The following TMX2 variants were observed in gnomAD, a reference collection of about 807,000 sequenced individuals.
The protein encoded by TMX2 is thioredoxin related transmembrane protein 2.
TMX2 carries 20 observed loss-of-function variants against 33.4 expected under a neutral mutation model. The observed-to-expected ratio is 0.60, with a 90% CI of 0.42 to 0.87. The LOEUF is 0.87. Ranked by LOEUF, TMX2 falls within the 40% of genes least tolerant of loss-of-function variation. TMX2 has a pLI of 0.00. For missense variants in TMX2, 340 were observed against 370.7 expected (o/e 0.92, Z 0.68); for synonymous variants, 166 against 140.7 (o/e 1.18, Z -1.27).
At chr11:57,729,143 C>T (rs1319474270) in intron 1 of TMX2, among the ~76,000 whole-genome samples, 1 of 151,588 alleles carries the variant, frequency 6.6e-6, no homozygotes, top group Non-Finnish European at 1.5e-5. Context: ...AGGCGAGAAA[C>T]AAATCTAAGA....
At chr11:57,718,035 A>T in intron 1 of TMX2, 1 of 1,063,338 alleles carries the variant, frequency 9.4e-7, no homozygotes, top group Non-Finnish European at 1.5e-6. Context: ...AACAAGTCAA[A>T]CTTACTAGAC....
intron 1 of TMX2, among the ~76,000 whole-genome samples, chr11:57,717,849 C>T (rs1173524980): frequency 6.6e-6 from 1 of 151,518 alleles, no homozygotes; most frequent in Non-Finnish European, 1.5e-5. Flanking sequence ...GTTTTTATTT[C>T]ATAATCATAA....
chr11:57,737,605 C>A lies in TMX2; in HGVS notation c.190-3C>A, dbSNP rs921041995. 5.0e-6 allele frequency: 8 copies of A among 1,613,376 alleles called. No homozygotes were observed. In the African/African-American group the frequency reaches 9.3e-5, roughly 19 times the overall value. ...CTGTTATAATACTTCGATTCTGTTCCAGAGAGAAGTGGAGATCCTGATGTT... is the reference window on the plus strand; with the variant it reads ...CTGTTATAATACTTCGATTCTGTTCAAGAGAGAAGTGGAGATCCTGATGTT... On this transcript the variant is annotated splice_region_variant and splice_polypyrimidine_tract_variant and intron_variant, in intron 1 of 7. Transcript: ENST00000278422.
intron 1 of TMX2, among the ~76,000 whole-genome samples, chr11:57,714,763 TA>T (rs1205409139): frequency 6.6e-6 from 1 of 152,080 alleles, no homozygotes; most frequent in Non-Finnish European, 1.5e-5. Flanking sequence ...GGCTAATTTT[TA>T]AAAATTTTTT....
rs1948904760 is a variant in TMX2, at chr11:57,738,769, A to C, written c.547A>C (p.Lys183Gln). The C allele has an allele frequency of 6.2e-7, 1 of 1,611,664 alleles. No individual in the cohort carries two copies. The highest frequency in any genetic ancestry group is 1.7e-5 in the Admixed American group (1 of 59,998). Reference protein sequence around the residue: ...FAPIYADLSLKYNCTGLNFGK... With the variant: ...FAPIYADLSLQYNCTGLNFGK... ...CCCTATCTATGCTGACCTCTCCCTTAAGTGAGTAGTGCAAAGGGAGGGATG... is the reference window on the plus strand; with the variant it reads ...CCCTATCTATGCTGACCTCTCCCTTCAGTGAGTAGTGCAAAGGGAGGGATG... Residue 183 changes from lysine (K) to glutamine (Q), a missense_variant and splice_region_variant, in exon 5 of 8, where the codon AAA becomes CAA. By Grantham distance (53) the Lys-to-Gln change is moderately conservative. This residue lies in a region of TMX2 where 209 missense variants were observed against 241.6 expected (regional missense o/e 0.87). Transcript: ENST00000278422.
At chr11:57,729,933 C>A (rs1326247241) in intron 1 of TMX2, among the ~76,000 whole-genome samples, 1 of 151,198 alleles carries the variant, frequency 6.6e-6, no homozygotes, top group Non-Finnish European at 1.5e-5. Context: ...CATGGTGAAA[C>A]CCCGTCTCTA....
intron 1 of TMX2, 92 bp downstream of exon 1, chr11:57,712,899 C>T: frequency 2.9e-6 from 4 of 1,393,938 alleles, no homozygotes; most frequent in Non-Finnish European, 4.0e-6. Context: ...TCTCTGAGGA[C>T]ACCTGAGGTT....
intron 1 of TMX2, among the ~76,000 whole-genome samples, chr11:57,716,607 G>C (rs1291711555): frequency 3.9e-5 from 5 of 127,662 alleles, no homozygotes; most frequent in African/African-American, 8.9e-5. Context: ...GGCTGGCCGG[G>C]TGGGGGGCTG....
At chr11:57,727,808 T>G (rs1948101281) in intron 1 of TMX2, among the ~76,000 whole-genome samples, 1 of 152,202 alleles carries the variant, frequency 6.6e-6, no homozygotes, top group South Asian at 2.1e-4. Flanking sequence ...CAACCTGCTC[T>G]CTCTGAAGTC....
chr11:57,735,794 G>C (rs12363024), intron 1 of TMX2, among the ~76,000 whole-genome samples: 52,672 of 152,114 alleles, frequency 0.35, 10,120 homozygotes, highest in Non-Finnish European at 0.44. Flanking sequence ...CTGAGGTGGA[G>C]TTTTCAGCCC....
At chr11:57,730,999 CAA>C (rs1410039370) in intron 1 of TMX2, among the ~76,000 whole-genome samples, 2 of 142,408 alleles carry the variant, frequency 1.4e-5, no homozygotes, top group South Asian at 2.2e-4. Flanking sequence ...TTAGTTAAAA[CAA>C]GATTTTATTA....
At chr11:57,734,216 TGCCTGAACCCAGAAGTGGTAAATC>T (rs1667085102) in intron 1 of TMX2, among the ~76,000 whole-genome samples, 1 of 144,954 alleles carries the variant, frequency 6.9e-6, no homozygotes, top group Admixed American at 6.9e-5. Context: ...CTTTCTTAAC[TGCCTGAACCCAGAAGTGGTAAATC>T]ACTTTCATTC....
chr11:57,738,043 T>C lies in TMX2; in HGVS notation c.364+17T>C, dbSNP rs1590976079. The C allele has an allele frequency of 1.3e-6, 2 of 1,556,782 alleles. No homozygotes were observed. The highest frequency in any genetic ancestry group is 2.4e-5 in the South Asian group (2 of 82,236). On this transcript the variant is annotated intron_variant, in intron 3 of 7. Coordinates refer to ENST00000278422, the MANE Select transcript of TMX2 (RefSeq NM_015959.4). Reference sequence around the variant, plus strand: ...TCTGCATAGGTGAGGAGACTGCCTTTCTTTCTTTTTTTTTTTTTGTAAGAC... The same window carrying C: ...TCTGCATAGGTGAGGAGACTGCCTTCCTTTCTTTTTTTTTTTTTGTAAGAC...
chr11:57,734,227 A>G (rs1052337676), intron 1 of TMX2, among the ~76,000 whole-genome samples: 3 of 151,428 alleles, frequency 2.0e-5, no homozygotes, highest in Admixed American at 2.0e-4. Context: ...GCCTGAACCC[A>G]GAAGTGGTAA....
chr11:57,725,058 AAG>A (rs1947891109), intron 1 of TMX2, among the ~76,000 whole-genome samples: 1 of 149,500 alleles, frequency 6.7e-6, no homozygotes, highest in Admixed American at 6.6e-5. Flanking sequence ...AAAAAAAAGA[AAG>A]AAAAGAAAAG....
At chr11:57,713,144 T>G (rs373132755) in intron 1 of TMX2, among the ~76,000 whole-genome samples, 34 of 152,212 alleles carry the variant, frequency 2.2e-4, no homozygotes, top group East Asian at 1.7e-3. Flanking sequence ...CCGCTCATTA[T>G]GTAAAGCCTC....
chr11:57,719,033 A>ATAT (rs1555016066), intron 1 of TMX2, among the ~76,000 whole-genome samples: 2 of 70,640 alleles, frequency 2.8e-5, no homozygotes, highest in Non-Finnish European at 5.6e-5. Context: ...ATATATATAT[A>ATAT]TTTTTTTTTT....
intron 1 of TMX2, among the ~76,000 whole-genome samples, chr11:57,730,150 C>T (rs1371338153): frequency 6.9e-6 from 1 of 144,024 alleles, no homozygotes; most frequent in Non-Finnish European, 1.5e-5. Flanking sequence ...CATGTGGTGG[C>T]CATGGTGCCT....
chr11:57,740,384 A>G lies in TMX2; in HGVS notation c.*139A>G. 9.2e-7 allele frequency: 1 copy of G among 1,092,594 alleles called. No homozygotes were observed. Among genetic ancestry groups the G allele is most frequent in the Non-Finnish European group, 1.3e-6 (1 of 796,648 alleles). 67.7% of individuals were successfully genotyped at this position (1,092,594 alleles called of 1,614,324 possible). ...GGCAGCATGCAGCTTCTGATTTTAA[A>G]GAGGCATCTAGGGAATTGTCAGGCA... On this transcript the variant is annotated 3_prime_UTR_variant, in exon 8 of 8. Coordinates refer to ENST00000278422, the MANE Select transcript of TMX2 (RefSeq NM_015959.4).
Sources: gnomAD v4.1 joint callset for allele counts (sites outside exome capture counted in the v4.1 genomes callset) on GRCh38, gnomAD v4.1.1 for gene constraint, gnomAD v4.1.1 regional missense constraint, MANE v1.5 for transcripts, NCBI Gene and HGNC (gene_info 2026-07-23, HGNC 2026-07-21) for gene names.